CNTN5: variants seen among roughly 807,000 people sequenced by gnomAD.
CNTN5 encodes contactin 5, also known as contactin-5.
A neutral mutation model predicts 129.1 loss-of-function variants in CNTN5; 77 were observed. That is an observed-to-expected ratio of 0.60 (90% CI 0.50 to 0.72). CNTN5 has a LOEUF of 0.72. Ranked by LOEUF, CNTN5 falls within the 30% of genes least tolerant of loss-of-function variation. CNTN5 has a pLI of 0.00. For missense variants in CNTN5, 1,478 were observed against 1,328.8 expected, an observed-to-expected ratio of 1.11 and a Z score of -1.75; for synonymous variants, 509 against 465.6, an observed-to-expected ratio of 1.09 and a Z score of -1.20.
At chr11:100,283,611 C>T (rs1950691295) in intron 18 of CNTN5, among the ~76,000 whole-genome samples, 1 of 152,098 alleles carries the variant, frequency 6.6e-6, no homozygotes, top group African/African-American at 2.4e-5. Flanking sequence ...AAGTTCTGAC[C>T]ACTGATATGG....
chr11:99,382,844 A>AGTTTTTTTT lies in CNTN5; in HGVS notation c.-71+57360_-71+57361insGTTTTTTTT, dbSNP rs774797660. On this transcript the variant is annotated intron_variant, in intron 2 of 24. Transcript: ENST00000524871. Reference sequence around the variant, plus strand: ...CACATCTCACTAGTGTCTCTAAATAACTTTTTTTTTTTTTTTTTTTTTTTT... The same window carrying AGTTTTTTTT: ...CACATCTCACTAGTGTCTCTAAATAAGTTTTTTTTCTTTTTTTTTTTTTTTTTTTTTTTT... 1.5e-3 allele frequency among the ~76,000 whole-genome samples: 103 copies of AGTTTTTTTT among 69,368 alleles called. 16 individuals carry two copies. Among genetic ancestry groups the AGTTTTTTTT allele is most frequent in the African/African-American group, 4.1e-3 (57 of 14,004 alleles). 45.5% of individuals were successfully genotyped at this position (69,368 alleles called of 152,430 possible).
At chr11:99,419,635 TCCC>T (rs1942801150) in intron 2 of CNTN5, among the ~76,000 whole-genome samples, 1 of 152,134 alleles carries the variant, frequency 6.6e-6, no homozygotes, top group African/African-American at 2.4e-5. Flanking sequence ...CATGTATCAT[TCCC>T]AATTTTTAAA....
intron 6 of CNTN5, among the ~76,000 whole-genome samples, chr11:99,858,224 AG>A (rs1723417595): frequency 6.6e-6 from 1 of 152,144 alleles, no homozygotes; most frequent in Non-Finnish European, 1.5e-5. Context: ...CTGTCACAAC[AG>A]AATAACCAAA....
intron 6 of CNTN5, among the ~76,000 whole-genome samples, chr11:99,902,676 T>C (rs547551231): frequency 3.9e-4 from 59 of 152,284 alleles, no homozygotes; most frequent in Non-Finnish European, 7.2e-4. Context: ...ATATAATTAA[T>C]GAAAAATTCC....
At chr11:100,013,325 C>A (rs1196800674) in intron 9 of CNTN5, among the ~76,000 whole-genome samples, 1 of 152,144 alleles carries the variant, frequency 6.6e-6, no homozygotes, top group African/African-American at 2.4e-5. Context: ...CACTTGTACC[C>A]CATAAACTTA....
chr11:99,508,437 G>A (rs2061622430), intron 2 of CNTN5, among the ~76,000 whole-genome samples: 1 of 151,984 alleles, frequency 6.6e-6, no homozygotes, highest in South Asian at 2.1e-4. Context: ...TTGGATCCAG[G>A]GTTGTTGACT....
chr11:99,117,636 A>G (rs561527921), intron 1 of CNTN5, among the ~76,000 whole-genome samples: 171 of 152,214 alleles, frequency 1.1e-3, no homozygotes, highest in Non-Finnish European at 1.9e-3. Flanking sequence ...CTAACACCCA[A>G]TGTATTGGTA....
At chr11:99,780,069 A>G (rs1328159327) in intron 3 of CNTN5, among the ~76,000 whole-genome samples, 2 of 151,962 alleles carry the variant, frequency 1.3e-5, no homozygotes, top group Non-Finnish European at 2.9e-5. Context: ...TATTATATAG[A>G]GACTGTCATG....
At chr11:100,294,665 A>G (rs1193264867) in intron 18 of CNTN5, among the ~76,000 whole-genome samples, 1 of 151,672 alleles carries the variant, frequency 6.6e-6, no homozygotes, top group African/African-American at 2.4e-5. Context: ...ATTTTGTTTT[A>G]AAGTAAATAT....
At chr11:99,807,114 A>C (rs1002567857) in intron 3 of CNTN5, among the ~76,000 whole-genome samples, 3 of 152,150 alleles carry the variant, frequency 2.0e-5, no homozygotes, top group African/African-American at 7.2e-5. Flanking sequence ...GTGCAAATCT[A>C]ATGAAATATG....
chr11:99,098,660 AT>A (rs1179945876), intron 1 of CNTN5, among the ~76,000 whole-genome samples: 1 of 152,130 alleles, frequency 6.6e-6, no homozygotes, highest in East Asian at 1.9e-4. Flanking sequence ...TGATTCCTGA[AT>A]TCTTCTTAAA....
chr11:99,060,822 A>G (rs1159735959), intron 1 of CNTN5, among the ~76,000 whole-genome samples: 1 of 152,112 alleles, frequency 6.6e-6, no homozygotes, highest in East Asian at 1.9e-4. Context: ...AATCTGACTC[A>G]AAAGCTCTTC....
At chr11:100,017,451 T>C (rs576255221) in intron 9 of CNTN5, among the ~76,000 whole-genome samples, 92 of 151,968 alleles carry the variant, frequency 6.1e-4, no homozygotes, top group Non-Finnish European at 9.4e-4. Flanking sequence ...TTCTTAGAGA[T>C]AGTGGTGTGT....
chr11:99,980,201 A>C (rs1190670454), intron 8 of CNTN5, among the ~76,000 whole-genome samples: 1 of 152,252 alleles, frequency 6.6e-6, no homozygotes, highest in Non-Finnish European at 1.5e-5. Flanking sequence ...AACAAAAATC[A>C]AATTACCAGC....
chr11:99,794,651 T>A (rs1228615505), intron 3 of CNTN5, among the ~76,000 whole-genome samples: 1 of 152,216 alleles, frequency 6.6e-6, no homozygotes, highest in African/African-American at 2.4e-5. Context: ...TACTTATCTG[T>A]AAAGAATCTT....
chr11:99,365,974 G>C (rs1183943968), intron 2 of CNTN5, among the ~76,000 whole-genome samples: 1 of 152,098 alleles, frequency 6.6e-6, no homozygotes, highest in East Asian at 1.9e-4. Context: ...CAGCCTAAGG[G>C]AAAGAGTATT....
chr11:99,645,441 G>A lies in CNTN5; in HGVS notation c.55+89172G>A, dbSNP rs182228281. Among the ~76,000 whole-genome samples the A allele has an allele frequency of 1.2e-3, 186 of 152,000 alleles. 2 individuals carry two copies. Among genetic ancestry groups the A allele is most frequent in the East Asian group, 9.9e-3 (51 of 5,140 alleles). The stretch of plus-strand genomic sequence containing the variant: ...CCTGATTCTAGATCCTTGAGGAATC[G>A]CCACACTGTCTTCCACAGTAGTTGA... On this transcript the variant is annotated intron_variant, in intron 3 of 24. Transcript: ENST00000524871.
intron 1 of CNTN5, among the ~76,000 whole-genome samples, chr11:99,226,826 G>A (rs886069950): frequency 1.3e-4 from 20 of 152,022 alleles, no homozygotes; most frequent in African/African-American, 4.3e-4. Context: ...ATTAAAATTC[G>A]TACAAAACAG....
chr11:99,201,647 G>A (rs1200018473), intron 1 of CNTN5, among the ~76,000 whole-genome samples: 1 of 152,060 alleles, frequency 6.6e-6, no homozygotes, highest in Non-Finnish European at 1.5e-5. Flanking sequence ...CTGGAATTAG[G>A]TGGGTGCCTA....
Sources: allele counts gnomAD v4.1 joint callset (sites outside exome capture counted in the v4.1 genomes callset), GRCh38; gene constraint gnomAD v4.1.1; transcripts MANE v1.5; gene names NCBI Gene and HGNC (gene_info 2026-07-23, HGNC 2026-07-21).